The following GALNT18 variants were observed in gnomAD, a reference collection of about 807,000 sequenced individuals.
The protein encoded by GALNT18 is GalNAc-transferase 18.
GALNT18 carries 44 observed loss-of-function variants against 69.5 expected under a neutral mutation model. That is an observed-to-expected ratio of 0.63 (90% CI 0.50 to 0.81). The LOEUF (loss-of-function observed/expected upper bound fraction) is 0.81. Among genes scored for constraint, GALNT18 ranks in the 40% least tolerant of loss-of-function variants. The pLI is 0.00. For missense variants in GALNT18, 715 were observed against 810.0 expected, an observed-to-expected ratio of 0.88 and a Z score of 1.42; for synonymous variants, 364 against 318.2, an observed-to-expected ratio of 1.14 and a Z score of -1.53.
chr11:11,481,663 G>C (rs1420265172), intron 1 of GALNT18, among the ~76,000 whole-genome samples: 1 of 152,182 alleles, frequency 6.6e-6, no homozygotes, highest in Admixed American at 6.5e-5. Flanking sequence ...GAAAGAGAAA[G>C]CACCCAGGCA....
chr11:11,390,069 T>C (rs1174749896), intron 3 of GALNT18, among the ~76,000 whole-genome samples: 1 of 152,134 alleles, frequency 6.6e-6, no homozygotes, highest in Non-Finnish European at 1.5e-5. Context: ...AAATACTAAC[T>C]CCCAGGATTC....
intron 9 of GALNT18, among the ~76,000 whole-genome samples, chr11:11,297,348 A>G (rs575908224): frequency 6.6e-5 from 10 of 152,242 alleles, no homozygotes; most frequent in Non-Finnish European, 1.0e-4. Context: ...CTCATGAGGC[A>G]GGTACTAATA....
In GALNT18 at chr11:11,586,160, T is replaced by A. The variant is rs935386447; in HGVS notation, c.235+35199A>T. 6.6e-6 allele frequency among the ~76,000 whole-genome samples: 1 copy of A among 152,184 alleles called. No homozygotes were observed. Among genetic ancestry groups the A allele is most frequent in the African/African-American group, 2.4e-5 (1 of 41,438 alleles). On this transcript the variant is annotated intron_variant, in intron 1 of 10. Coordinates refer to ENST00000227756, the MANE Select transcript of GALNT18 (RefSeq NM_198516.3). This position sits in a 1 kb window ranked among gnomAD's most constrained non-coding sequence, Gnocchi z 4.1. Reference sequence around the variant, plus strand: ...ATAAATTTCTATTGTTTATAAGCCATGCCATCTAGGGTATTTTATTATAGC... The same window carrying A: ...ATAAATTTCTATTGTTTATAAGCCAAGCCATCTAGGGTATTTTATTATAGC...
chr11:11,457,484 G>T (rs921750401), intron 1 of GALNT18, among the ~76,000 whole-genome samples: 1 of 152,218 alleles, frequency 6.6e-6, no homozygotes, highest in Non-Finnish European at 1.5e-5. Flanking sequence ...TGGAGGACAA[G>T]GGAATCAGAG....
At chr11:11,466,260 G>C (rs941083933) in intron 1 of GALNT18, among the ~76,000 whole-genome samples, 2 of 152,192 alleles carry the variant, frequency 1.3e-5, no homozygotes, top group Non-Finnish European at 2.9e-5. Context: ...TCAACGGACT[G>C]CAACCTTTAT....
chr11:11,598,767 A>G lies in GALNT18; in HGVS notation c.235+22592T>C, dbSNP rs1416524893. ...TCCCTTTAAATACTACTTTATCTGCATAAGTTTTGTATGTTGTGTTTTCAT... is the reference window on the plus strand; with the variant it reads ...TCCCTTTAAATACTACTTTATCTGCGTAAGTTTTGTATGTTGTGTTTTCAT... On this transcript the variant is annotated intron_variant, in intron 1 of 10. Coordinates refer to ENST00000227756, the MANE Select transcript of GALNT18 (RefSeq NM_198516.3). The surrounding 1 kb of genome is among the most constrained non-coding windows in gnomAD (Gnocchi z 4.8). Among the ~76,000 whole-genome samples, 2 of 152,160 alleles carry G rather than the reference A, an allele frequency of 1.3e-5. No homozygotes were observed. The highest frequency in any genetic ancestry group is 2.4e-5 in the African/African-American group (1 of 41,438).
chr11:11,288,467 C>T (rs1349704389), intron 10 of GALNT18, among the ~76,000 whole-genome samples: 1 of 152,180 alleles, frequency 6.6e-6, no homozygotes, highest in African/African-American at 2.4e-5. Context: ...GCTCTCAGAA[C>T]ACAGCACACC....
rs545248964 is a variant in GALNT18, at chr11:11,454,778, C to T, written c.236-5842G>A. On this transcript the variant is annotated intron_variant, in intron 1 of 10. Transcript: ENST00000227756. The surrounding 1 kb of genome is among the most constrained non-coding windows in gnomAD (Gnocchi z 4.2). The stretch of plus-strand genomic sequence containing the variant: ...GGTGTCCTCAAAGCTCTGGCAGACA[C>T]GTTGATACCCATCTTCCCTCCTGAG... 3.9e-5 allele frequency among the ~76,000 whole-genome samples: 6 copies of T among 152,106 alleles called. No individual in the cohort carries two copies. The highest frequency in any genetic ancestry group is 2.1e-4 in the South Asian group (1 of 4,816).
At chr11:11,457,176 C>T (rs1000006104) in intron 1 of GALNT18, among the ~76,000 whole-genome samples, 3 of 152,182 alleles carry the variant, frequency 2.0e-5, no homozygotes, top group East Asian at 1.9e-4. Flanking sequence ...CCCACTGGCT[C>T]GTGCTCCAAG....
At position 11,620,738 on chromosome 11, in the gene GALNT18, G is replaced by A. The variant is rs1860171747; in HGVS notation, c.235+621C>T. Among the ~76,000 whole-genome samples, 2 of 152,140 alleles carry A rather than the reference G, an allele frequency of 1.3e-5. No homozygotes were observed. Among genetic ancestry groups the A allele is most frequent in the African/African-American group, 2.4e-5 (1 of 41,426 alleles). On this transcript the variant is annotated intron_variant, in intron 1 of 10. Transcript: ENST00000227756. This position sits in a 1 kb window ranked among gnomAD's most constrained non-coding sequence, Gnocchi z 6.9. ...GGGTCCTGGACCCGCGGGCTGTGGTGGGGGTAGGGACTGCTATAGGTTCAA... is the reference window on the plus strand; with the variant it reads ...GGGTCCTGGACCCGCGGGCTGTGGTAGGGGTAGGGACTGCTATAGGTTCAA...
intron 9 of GALNT18, among the ~76,000 whole-genome samples, chr11:11,305,049 G>A (rs1367958550): frequency 2.6e-5 from 4 of 152,192 alleles, no homozygotes; most frequent in Non-Finnish European, 4.4e-5. Context: ...CTTAAAATAT[G>A]GGCACTGACT....
chr11:11,373,025 T>C (rs1850949037), intron 5 of GALNT18, among the ~76,000 whole-genome samples: 1 of 152,188 alleles, frequency 6.6e-6, no homozygotes, highest in African/African-American at 2.4e-5. Context: ...ACTTGGAATC[T>C]GTATGTCATC....
chr11:11,359,152 G>A lies in GALNT18; in HGVS notation c.1092+13363C>T, dbSNP rs920378303. The stretch of plus-strand genomic sequence containing the variant: ...AGACGAGGTTGCTTTACCCAAAACT[G>A]TGGTGTCCAATGTTTTTAATTAATT... On this transcript the variant is annotated intron_variant, in intron 6 of 10. Coordinates refer to ENST00000227756, the MANE Select transcript of GALNT18 (RefSeq NM_198516.3). Among the ~76,000 whole-genome samples the A allele has an allele frequency of 6.4e-5, 9 of 140,244 alleles. 1 individual carries two copies. Among genetic ancestry groups the A allele is most frequent in the African/African-American group, 2.4e-4 (9 of 37,892 alleles). The allele number at this position is 140,244 out of a possible 152,430, so 92.0% of individuals were successfully genotyped here. A position where few individuals can be genotyped will look rare whatever the true frequency, so the allele number is the denominator to read the frequency against.
intron 1 of GALNT18, among the ~76,000 whole-genome samples, chr11:11,571,652 C>G (rs1209692063): frequency 6.6e-6 from 1 of 152,124 alleles, no homozygotes; most frequent in East Asian, 1.9e-4. Context: ...TTAGCCATGT[C>G]CAGGCTAATT....
chr11:11,611,421 CT>C (rs2133963507), intron 1 of GALNT18, among the ~76,000 whole-genome samples: 1 of 152,308 alleles, frequency 6.6e-6, no homozygotes, highest in East Asian at 1.9e-4. Flanking sequence ...CCCTCACCTT[CT>C]TCTTTGTAAC....
chr11:11,575,989 C>T (rs1302171301), intron 1 of GALNT18, among the ~76,000 whole-genome samples: 4 of 152,172 alleles, frequency 2.6e-5, no homozygotes, highest in African/African-American at 4.8e-5. Flanking sequence ...TCCCCAATTT[C>T]GCAGAAGAAA....
chr11:11,564,834 AG>A lies in GALNT18; in HGVS notation c.235+56524del, dbSNP rs1179563221. The stretch of plus-strand genomic sequence containing the variant: ...TAATTACAATTAAATAAGTCAAACT[AG>A]CTACATTTCAAGTGTTCATAAGTGG... On this transcript the variant is annotated intron_variant, in intron 1 of 10. Transcript: ENST00000227756. The surrounding 1 kb of genome is among the most constrained non-coding windows in gnomAD (Gnocchi z 4.3). 2.6e-5 allele frequency among the ~76,000 whole-genome samples: 4 copies of A among 152,182 alleles called. No homozygotes were observed.
intron 1 of GALNT18, among the ~76,000 whole-genome samples, chr11:11,539,297 C>T (rs1857856428): frequency 6.6e-6 from 1 of 152,190 alleles, no homozygotes; most frequent in Non-Finnish European, 1.5e-5. Flanking sequence ...CCCCCACAGT[C>T]TTCCCTTCAG....
At chr11:11,271,459 C>T (rs1270767617) in intron 10 of GALNT18, among the ~76,000 whole-genome samples, 169 bp from the exon 11 acceptor site, 1 of 152,170 alleles carries the variant, frequency 6.6e-6, no homozygotes, top group African/African-American at 2.4e-5. Flanking sequence ...ATATATTAGT[C>T]TCCTCTGGAA....
Sources: allele counts gnomAD v4.1 joint callset (sites outside exome capture counted in the v4.1 genomes callset), GRCh38; gene constraint gnomAD v4.1.1; non-coding constraint Gnocchi (gnomAD v3.1); transcripts MANE v1.5; gene names NCBI Gene and HGNC (gene_info 2026-07-23, HGNC 2026-07-21).